DAAM2: variants seen among roughly 807,000 people sequenced by gnomAD.
DAAM2 encodes disheveled-associated activator of morphogenesis 2.
DAAM2 carries 39 observed loss-of-function variants against 120.7 expected under a neutral mutation model. That is an observed-to-expected ratio of 0.32 (90% CI 0.25 to 0.42). The LOEUF (loss-of-function observed/expected upper bound fraction) is 0.42, where lower values mean the gene tolerates loss of function less well. DAAM2 is among the 10% of genes least tolerant of loss of function. The probability of loss-of-function intolerance (pLI) is 1.00; values close to 1 mark genes in which losing one functional copy is unlikely to be tolerated. For missense variants in DAAM2, 1,283 were observed against 1,401.7 expected (o/e 0.92, Z 1.35); for synonymous variants, 488 against 524.9 (o/e 0.93, Z 0.96).
chr6:39,872,746 C>T lies in DAAM2; in HGVS notation c.1045-492C>T, dbSNP rs140946453. 1.7e-4 allele frequency among the ~76,000 whole-genome samples: 26 copies of T among 152,176 alleles called. No individual in the cohort carries two copies. In the East Asian group the frequency reaches 2.9e-3, roughly 17 times the overall value. On this transcript the variant is annotated intron_variant, in intron 9 of 24. Coordinates refer to ENST00000274867, the MANE Select transcript of DAAM2 (RefSeq NM_001201427.2). ...CTTGCCTGTCATCACACAACTAAAG[C>T]GTAGATCTGGGGTTTGAACCCAGGT... is the stretch of plus-strand genomic sequence containing the variant.
At chr6:39,805,956 C>T (rs1260996602) in intron 1 of DAAM2, among the ~76,000 whole-genome samples, 1 of 152,162 alleles carries the variant, frequency 6.6e-6, no homozygotes, top group Non-Finnish European at 1.5e-5. Flanking sequence ...GGAAGAATTT[C>T]CTTCCCTTAA....
chr6:39,824,264 A>G (rs974993875), intron 1 of DAAM2, among the ~76,000 whole-genome samples: 5 of 152,072 alleles, frequency 3.3e-5, no homozygotes, highest in African/African-American at 9.7e-5. Context: ...ATAAATCCCA[A>G]TGACCTCTCC....
At chr6:39,881,140 G>A (rs1042868209) in intron 14 of DAAM2, among the ~76,000 whole-genome samples, 1 of 152,238 alleles carries the variant, frequency 6.6e-6, no homozygotes, top group African/African-American at 2.4e-5. Context: ...ATCATATGAA[G>A]CTGTGTGCTC....
At chr6:39,818,463 T>C (rs1000068916) in intron 1 of DAAM2, among the ~76,000 whole-genome samples, 1 of 152,158 alleles carries the variant, frequency 6.6e-6, no homozygotes, top group Non-Finnish European at 1.5e-5. Flanking sequence ...TAATCTGTGG[T>C]ATTTTGACGT....
At chr6:39,801,898 A>C (rs539107469) in intron 1 of DAAM2, among the ~76,000 whole-genome samples, 28 of 152,226 alleles carry the variant, frequency 1.8e-4, no homozygotes, top group Non-Finnish European at 3.5e-4. Flanking sequence ...GGAGGGGAGA[A>C]AGTGATTCCA....
chr6:39,796,640 A>C (rs1262999715), intron 1 of DAAM2, among the ~76,000 whole-genome samples: 2 of 38,638 alleles, frequency 5.2e-5, no homozygotes, highest in Middle Eastern at 0.017. Context: ...AAAAAAAAAA[A>C]ACCTGTAAAA....
intron 1 of DAAM2, among the ~76,000 whole-genome samples, chr6:39,831,469 T>A (rs1762885306): frequency 6.6e-6 from 1 of 151,980 alleles, no homozygotes; most frequent in Admixed American, 6.6e-5. Flanking sequence ...TTACTATTAT[T>A]ATTCTCATTT....
intron 1 of DAAM2, among the ~76,000 whole-genome samples, chr6:39,842,469 T>C (rs1763381743): frequency 6.6e-6 from 1 of 151,984 alleles, no homozygotes; most frequent in Admixed American, 6.6e-5. Context: ...CCGTCTCTAC[T>C]AAAAATATAA....
At chr6:39,857,034 C>T (rs964814521) in intron 2 of DAAM2, among the ~76,000 whole-genome samples, 3 of 152,194 alleles carry the variant, frequency 2.0e-5, no homozygotes, top group Non-Finnish European at 4.4e-5. Context: ...GAAGCTCTGC[C>T]ATTCACACCC....
chr6:39,900,443 C>T (rs1206241649), intron 23 of DAAM2, among the ~76,000 whole-genome samples: 1 of 152,210 alleles, frequency 6.6e-6, no homozygotes, highest in African/African-American at 2.4e-5. Flanking sequence ...TTTGTCACCA[C>T]CTACCTTATG....
At chr6:39,870,256 T>A in intron 7 of DAAM2, 84 bp from the exon 8 acceptor site, 1 of 791,468 alleles carries the variant, frequency 1.3e-6, no homozygotes, top group Non-Finnish European at 2.2e-6. Flanking sequence ...GGTCTGTGGC[T>A]AGGGTGGTGA....
chr6:39,865,680 A>G (rs945891331), intron 5 of DAAM2, among the ~76,000 whole-genome samples: 2 of 152,224 alleles, frequency 1.3e-5, no homozygotes, highest in Middle Eastern at 3.2e-3. Flanking sequence ...CTGGCTAGTA[A>G]CAGCTGGCGA....
rs539156916 is a variant in DAAM2, at chr6:39,879,204, C to A, written c.1572C>A (p.Pro524=). 3 of 1,549,684 alleles carry A rather than the reference C, an allele frequency of 1.9e-6. No individual in the cohort carries two copies. The highest frequency in any genetic ancestry group is 2.4e-5 in the South Asian group (2 of 83,666). ...LSTGPVSSPP[P]PGGPLTLSSS... Reference sequence around the variant, plus strand: ...CAGGCCCTGTATCTTCCCCACCACCCCCTGGGGGCCCACTCACCTTGTCTT... The same window carrying A: ...CAGGCCCTGTATCTTCCCCACCACCACCTGGGGGCCCACTCACCTTGTCTT... Residue 524 remains proline (P), a synonymous_variant, in exon 14 of 25, where the codon CCC becomes CCA. Coordinates refer to ENST00000274867, the MANE Select transcript of DAAM2 (RefSeq NM_001201427.2).
In DAAM2 at chr6:39,902,714, C is replaced by T. The variant is rs889705587; in HGVS notation, c.*677C>T. On this transcript the variant is annotated 3_prime_UTR_variant, in exon 25 of 25. Coordinates refer to ENST00000274867, the MANE Select transcript of DAAM2 (RefSeq NM_001201427.2). ...CTCCCTGCATGTCTTAAGTATCTTT[C>T]CCTTCCTTCTCTACCCTCACCTCCA... The T allele has an allele frequency of 1.3e-5, 2 of 152,428 alleles. No individual in the cohort carries two copies. Among genetic ancestry groups the T allele is most frequent in the African/African-American group, 4.8e-5 (2 of 41,444 alleles). The allele number at this position is 152,428 out of a possible 1,614,324, so 9.4% of individuals were successfully genotyped here.
intron 1 of DAAM2, among the ~76,000 whole-genome samples, chr6:39,843,458 A>G (rs1763433110): frequency 6.6e-6 from 1 of 152,176 alleles, no homozygotes; most frequent in Admixed American, 6.5e-5. Flanking sequence ...ACTGTGGGTG[A>G]CATTTTTGGA....
rs189242965 is a variant in DAAM2, at chr6:39,895,703, G to T, written c.2342-1109G>T. Among the ~76,000 whole-genome samples the T allele has an allele frequency of 8.1e-4, 123 of 152,198 alleles. 3 individuals are homozygous for T. The highest frequency in any genetic ancestry group is 6.7e-3 in the Admixed American group (102 of 15,284). On this transcript the variant is annotated intron_variant, in intron 19 of 24. Transcript: ENST00000274867. ...CAAAAATCATATTCCGTAACTAGTA[G>T]ACAAAATCTCAGTTTAGGATTTGTG... is the stretch of plus-strand genomic sequence containing the variant.
At chr6:39,812,696 C>G (rs1230307323) in intron 1 of DAAM2, among the ~76,000 whole-genome samples, 2 of 119,218 alleles carry the variant, frequency 1.7e-5, no homozygotes, top group Non-Finnish European at 3.9e-5. Flanking sequence ...ACAATTTAAT[C>G]TGACATCTCA....
chr6:39,863,994 A>G (rs1409888421), intron 3 of DAAM2, among the ~76,000 whole-genome samples: 1 of 152,196 alleles, frequency 6.6e-6, no homozygotes, highest in Non-Finnish European at 1.5e-5. Flanking sequence ...TAAGTTTTTA[A>G]ATTTCCAAAC....
chr6:39,816,206 C>A (rs1403000145), intron 1 of DAAM2, among the ~76,000 whole-genome samples: 1 of 152,240 alleles, frequency 6.6e-6, no homozygotes, highest in African/African-American at 2.4e-5. Context: ...CAAGGCTGCG[C>A]ATTTCTAACA....
Sources: allele counts gnomAD v4.1 joint callset (sites outside exome capture counted in the v4.1 genomes callset), GRCh38; gene constraint gnomAD v4.1.1; transcripts MANE v1.5; gene names NCBI Gene and HGNC (gene_info 2026-07-23, HGNC 2026-07-21).